The following EDN1 variants were observed in gnomAD, a reference collection of about 807,000 sequenced individuals.
The protein encoded by EDN1 is endothelin 1.
Under a neutral mutation model 21.7 loss-of-function variants are expected in EDN1, and 11 were observed. The observed-to-expected ratio is 0.51, with a 90% CI of 0.32 to 0.84. The LOEUF (loss-of-function observed/expected upper bound fraction) is 0.84. Ranked by LOEUF, EDN1 falls within the 40% of genes least tolerant of loss-of-function variation. The pLI, the probability that EDN1 is intolerant of heterozygous loss-of-function variation, is 0.03. For missense variants in EDN1, 244 were observed against 262.3 expected (o/e 0.93, Z 0.48); for synonymous variants, 85 against 90.6 (o/e 0.94, Z 0.35).
At chr6:12,253,202 G>T in the EDN1 span, among the ~76,000 whole-genome samples, 5 of 152,118 alleles carry the variant, frequency 3.3e-5, no homozygotes, top group African/African-American at 1.2e-4. Flanking sequence ...AATGAGCAAT[G>T]AAATTAGCAA....
chr6:12,287,613 C>T (rs1237033142), upstream of EDN1, among the ~76,000 whole-genome samples: 12 of 151,862 alleles, frequency 7.9e-5, no homozygotes, highest in Admixed American at 7.9e-4. Flanking sequence ...GGTGCCACCC[C>T]TCGCCCCTGA....
the EDN1 span, among the ~76,000 whole-genome samples, chr6:12,249,711 A>AT: frequency 1.3e-5 from 2 of 152,114 alleles, no homozygotes; most frequent in Non-Finnish European, 2.9e-5. Context: ...AAGGAAAGGC[A>AT]TTAACGAGTT....
At chr6:12,248,856 G>A in the EDN1 span, among the ~76,000 whole-genome samples, 296 of 152,214 alleles carry the variant, frequency 1.9e-3, 1 homozygote, top group African/African-American at 6.8e-3. Context: ...TATAGCATAC[G>A]TGCAAAGGGA....
At chr6:12,291,724 T>C (rs1465926007) in intron 1 of EDN1, among the ~76,000 whole-genome samples, 1 of 152,140 alleles carries the variant, frequency 6.6e-6, no homozygotes. Context: ...CCACCTTAGG[T>C]CACTGGTTTC....
upstream of EDN1, chr6:12,290,214 C>A (rs1762635928): frequency 4.9e-6 from 1 of 205,806 alleles, no homozygotes; most frequent in Admixed American, 5.3e-5. Context: ...GATTTCCTTT[C>A]GGGCCTGGCC....
At chr6:12,269,723 T>A in the EDN1 span, among the ~76,000 whole-genome samples, 2 of 151,686 alleles carry the variant, frequency 1.3e-5, no homozygotes, top group East Asian at 3.9e-4. Flanking sequence ...TTTTGTTAAC[T>A]TTTTTTTGCA....
chr6:12,262,499 T>C, the EDN1 span, among the ~76,000 whole-genome samples: 1 of 152,126 alleles, frequency 6.6e-6, no homozygotes, highest in Non-Finnish European at 1.5e-5. Context: ...GACTTTGGAC[T>C]CGAGGAAGAG....
chr6:12,253,703 A>G, the EDN1 span, among the ~76,000 whole-genome samples: 2 of 152,104 alleles, frequency 1.3e-5, no homozygotes, highest in Admixed American at 6.5e-5. Context: ...TACTACTACT[A>G]CTAATAATAA....
Position 12,297,013 on chromosome 6 carries a change from T to C in EDN1, c.*946T>C, listed in dbSNP as rs1364911536. The C allele has an allele frequency of 6.6e-6, 1 of 152,216 alleles. No individual in the cohort carries two copies. Among genetic ancestry groups the C allele is most frequent in the Non-Finnish European group, 1.5e-5 (1 of 68,040 alleles). The allele number at this position is 152,216 out of a possible 1,614,324, so 9.4% of individuals were successfully genotyped here. A position where few individuals can be genotyped will look rare whatever the true frequency, so the allele number is the denominator to read the frequency against. ...ATTGAATTTTGATGTACTTATTTTT[T>C]TATAGATATTTATATTCAAACAATT... On this transcript the variant is annotated 3_prime_UTR_variant, in exon 5 of 5. Coordinates refer to ENST00000379375, the MANE Select transcript of EDN1 (RefSeq NM_001955.5).
At chr6:12,231,710 C>T in the EDN1 span, among the ~76,000 whole-genome samples, 2 of 151,598 alleles carry the variant, frequency 1.3e-5, no homozygotes, top group Non-Finnish European at 2.9e-5. Flanking sequence ...ATAACCCTGA[C>T]ATTTTCATGA....
chr6:12,247,599 C>T, the EDN1 span, among the ~76,000 whole-genome samples: 3 of 130,382 alleles, frequency 2.3e-5, no homozygotes, highest in African/African-American at 8.8e-5. Flanking sequence ...AGTGCAGTGG[C>T]GTGATCTCAG....
At chr6:12,280,823 G>A in the EDN1 span, among the ~76,000 whole-genome samples, 562 of 152,250 alleles carry the variant, frequency 3.7e-3, 6 homozygotes, top group African/African-American at 0.012. Flanking sequence ...AATCTGGGAG[G>A]CAGAGGTTGC....
At chr6:12,260,560 C>T in the EDN1 span, among the ~76,000 whole-genome samples, 1 of 152,182 alleles carries the variant, frequency 6.6e-6, no homozygotes, top group African/African-American at 2.4e-5. Context: ...ATACCTTCCT[C>T]TTTTTCCCAT....
the EDN1 span, among the ~76,000 whole-genome samples, chr6:12,279,620 A>G: frequency 6.6e-6 from 1 of 152,210 alleles, no homozygotes; most frequent in African/African-American, 2.4e-5. Context: ...TTTATTAACC[A>G]TTTTGCATGC....
the EDN1 span, among the ~76,000 whole-genome samples, chr6:12,256,132 G>A: frequency 9.8e-5 from 15 of 152,294 alleles, no homozygotes; most frequent in Middle Eastern, 3.4e-3. Context: ...GATCATTTTA[G>A]CTCAGGAGTT....
At chr6:12,295,848 G>T in intron 4 of EDN1, 114 bp from the exon 5 acceptor site, 3 of 1,023,036 alleles carry the variant, frequency 2.9e-6, no homozygotes, top group East Asian at 5.2e-5. Flanking sequence ...GGTGGTGAAA[G>T]TTCACAACCA....
the EDN1 span, among the ~76,000 whole-genome samples, chr6:12,254,942 C>T: frequency 2.0e-5 from 3 of 152,048 alleles, no homozygotes; most frequent in South Asian, 6.2e-4. Context: ...TCTGAAATCT[C>T]CAGTAACTCA....
At chr6:12,286,197 T>C (rs1363158913), upstream of EDN1, among the ~76,000 whole-genome samples, 1 of 152,248 alleles carries the variant, frequency 6.6e-6, no homozygotes, top group Non-Finnish European at 1.5e-5. Flanking sequence ...AATACTCTTT[T>C]AAATAAACAC....
At chr6:12,260,233 A>G in the EDN1 span, among the ~76,000 whole-genome samples, 10 of 152,168 alleles carry the variant, frequency 6.6e-5, no homozygotes, top group African/African-American at 2.4e-4. Flanking sequence ...TGATAATAAT[A>G]CTTATTCAAG....
Sources: gnomAD v4.1 joint callset for allele counts (sites outside exome capture counted in the v4.1 genomes callset) on GRCh38, gnomAD v4.1.1 for gene constraint, MANE v1.5 for transcripts, NCBI Gene and HGNC (gene_info 2026-07-23, HGNC 2026-07-21) for gene names.